Variants in FRMD4A observed in about 807,000 individuals in gnomAD.
FRMD4A encodes FERM domain containing 4A.
Under a neutral mutation model 129.1 loss-of-function variants are expected in FRMD4A, and 29 were observed. The observed-to-expected ratio is 0.22, with a 90% CI of 0.17 to 0.31. The LOEUF is 0.31. Ranked by LOEUF, FRMD4A falls within the 10% of genes least tolerant of loss-of-function variation. The pLI, the probability that FRMD4A is intolerant of heterozygous loss-of-function variation, is 1.00. For missense variants in FRMD4A, 1,272 were observed against 1,375.8 expected (o/e 0.92, Z 1.19); for synonymous variants, 634 against 571.6 (o/e 1.11, Z -1.56).
intron 2 of FRMD4A, among the ~76,000 whole-genome samples, chr10:13,932,080 G>A (rs191432278): frequency 5.2e-4 from 79 of 152,278 alleles, no homozygotes; most frequent in African/African-American, 1.5e-3. Context: ...CCACAGAATC[G>A]TAGAGATGTA....
intron 2 of FRMD4A, among the ~76,000 whole-genome samples, chr10:14,237,456 G>C (rs973747521): frequency 6.6e-6 from 1 of 152,120 alleles, no homozygotes; most frequent in African/African-American, 2.4e-5. Context: ...TCAGTCTCCT[G>C]AGTAGCTGGG....
At chr10:13,938,011 T>C (rs1051321719) in intron 2 of FRMD4A, among the ~76,000 whole-genome samples, 3 of 152,194 alleles carry the variant, frequency 2.0e-5, no homozygotes, top group African/African-American at 7.2e-5. Context: ...TTTATCCTTT[T>C]TGTTAAATAT....
intron 4 of FRMD4A, among the ~76,000 whole-genome samples, chr10:13,800,575 T>A (rs2093230382): frequency 6.6e-6 from 1 of 152,118 alleles, no homozygotes; most frequent in African/African-American, 2.4e-5. Context: ...TATTCAAGAT[T>A]AGTCAATGGT....
At chr10:14,293,363 C>T (rs1365495724) in intron 2 of FRMD4A, among the ~76,000 whole-genome samples, 5 of 152,160 alleles carry the variant, frequency 3.3e-5, no homozygotes, top group Non-Finnish European at 5.9e-5. Flanking sequence ...TCTTGGACTT[C>T]CCAGCCTCCA....
intron 15 of FRMD4A, among the ~76,000 whole-genome samples, chr10:13,689,209 G>A (rs111603650): frequency 2.7e-5 from 1 of 36,928 alleles, no homozygotes; most frequent in South Asian, 9.2e-4. Context: ...GGGGGGGGGG[G>A]GGGGGGGGGG....
At chr10:13,891,259 C>A (rs760506242) in intron 2 of FRMD4A, among the ~76,000 whole-genome samples, 6 of 152,040 alleles carry the variant, frequency 3.9e-5, no homozygotes, top group Admixed American at 6.6e-5. Context: ...CCCTGTCCTG[C>A]ACCCAAAGGA....
intron 12 of FRMD4A, among the ~76,000 whole-genome samples, chr10:13,708,567 G>A (rs1027999186): frequency 1.3e-5 from 2 of 152,194 alleles, no homozygotes; most frequent in African/African-American, 4.8e-5. Context: ...CAAGGAAATT[G>A]TATTTTTCTT....
intron 2 of FRMD4A, among the ~76,000 whole-genome samples, chr10:14,176,377 T>C (rs918142864): frequency 2.6e-5 from 4 of 151,890 alleles, no homozygotes; most frequent in African/African-American, 9.7e-5. Flanking sequence ...TTTGTGACAC[T>C]TCTCCTAACT....
At chr10:13,732,842 T>C (rs902637470) in intron 12 of FRMD4A, among the ~76,000 whole-genome samples, 1 of 152,160 alleles carries the variant, frequency 6.6e-6, no homozygotes, top group African/African-American at 2.4e-5. Context: ...CTGGCCACAC[T>C]AGGGAGCCTG....
chr10:13,916,623 T>C (rs886920319), intron 2 of FRMD4A, among the ~76,000 whole-genome samples: 4 of 152,200 alleles, frequency 2.6e-5, no homozygotes, highest in African/African-American at 9.6e-5. Flanking sequence ...GGTTCCCCAG[T>C]GTGTGGTAGA....
rs547341502 is a variant in FRMD4A, at chr10:13,995,335, G to A, written c.46-136423C>T. On this transcript the variant is annotated intron_variant, in intron 2 of 24. Transcript: ENST00000357447. Reference sequence around the variant, plus strand: ...GTGGTGGATCACACCTGTAATCCCAGCACTTTGGGAGGCCTAGGCAGGTGG... The same window carrying A: ...GTGGTGGATCACACCTGTAATCCCAACACTTTGGGAGGCCTAGGCAGGTGG... Among the ~76,000 whole-genome samples, 4 of 152,344 alleles carry A rather than the reference G, an allele frequency of 2.6e-5. No individual in the cohort carries two copies. The East Asian group carries it at 7.7e-4, about 29-fold the overall frequency.
intron 2 of FRMD4A, among the ~76,000 whole-genome samples, chr10:14,298,179 C>A (rs1846069767): frequency 6.6e-6 from 1 of 152,042 alleles, no homozygotes; most frequent in Non-Finnish European, 1.5e-5. Flanking sequence ...CTATCTGGCC[C>A]TTTGCAGAAA....
At chr10:14,060,301 G>T (rs1374732704) in intron 2 of FRMD4A, among the ~76,000 whole-genome samples, 1 of 152,214 alleles carries the variant, frequency 6.6e-6, no homozygotes, top group East Asian at 1.9e-4. Context: ...TCCATTCTTT[G>T]CTTCTTACAC....
At chr10:14,075,012 TCA>T (rs1238844670) in intron 2 of FRMD4A, among the ~76,000 whole-genome samples, 1 of 151,736 alleles carries the variant, frequency 6.6e-6, no homozygotes. Flanking sequence ...TAGAGTAGAA[TCA>T]AAGAAAGATG....
chr10:13,994,696 A>G (rs734522), intron 2 of FRMD4A, among the ~76,000 whole-genome samples: 43,493 of 152,120 alleles, frequency 0.29, 7,380 homozygotes, highest in East Asian at 0.73. Flanking sequence ...TCTCACATAC[A>G]CACATACAGA....
chr10:13,677,024 C>G (rs1028147972), intron 15 of FRMD4A, among the ~76,000 whole-genome samples: 2 of 152,176 alleles, frequency 1.3e-5, no homozygotes, highest in Admixed American at 1.3e-4. Flanking sequence ...CATCATAAAG[C>G]TAGAAAGAAC....
At chr10:13,761,773 G>A in intron 7 of FRMD4A, 104 bp from the exon 8 acceptor site, 1 of 749,996 alleles carries the variant, frequency 1.3e-6, no homozygotes, top group South Asian at 1.8e-5. Context: ...AATGAGATGA[G>A]TTCAGCTTCC....
At chr10:13,811,658 C>G (rs768655617) in intron 3 of FRMD4A, among the ~76,000 whole-genome samples, 1 of 151,596 alleles carries the variant, frequency 6.6e-6, no homozygotes, top group Admixed American at 6.6e-5. Flanking sequence ...GTATTGTTAA[C>G]ATGTTATTCA....
intron 2 of FRMD4A, among the ~76,000 whole-genome samples, chr10:14,128,608 G>C (rs1302830437): frequency 2.0e-5 from 3 of 152,134 alleles, no homozygotes; most frequent in Non-Finnish European, 4.4e-5. Flanking sequence ...TATCATACCT[G>C]AGCAAATCTA....
Sources: gnomAD v4.1 joint callset for allele counts (sites outside exome capture counted in the v4.1 genomes callset) on GRCh38, gnomAD v4.1.1 for gene constraint, MANE v1.5 for transcripts, NCBI Gene and HGNC (gene_info 2026-07-23, HGNC 2026-07-21) for gene names.